Variants in MAP3K1 observed in about 807,000 individuals in gnomAD.
The protein encoded by MAP3K1 is mitogen-activated protein kinase kinase kinase 1, also known as MAP/ERK kinase kinase 1.
Under a neutral mutation model 144.2 loss-of-function variants are expected in MAP3K1, and 36 were observed. The observed-to-expected ratio is 0.25, with a 90% CI of 0.19 to 0.33. The LOEUF (loss-of-function observed/expected upper bound fraction) is 0.33. MAP3K1 is among the 10% of genes least tolerant of loss of function. The pLI, the probability that MAP3K1 is intolerant of heterozygous loss-of-function variation, is 1.00. For synonymous variants in MAP3K1, 718 were observed against 688.7 expected, an observed-to-expected ratio of 1.04 and a Z score of -0.67; for missense variants, 1,650 against 1,881.9, an observed-to-expected ratio of 0.88 and a Z score of 2.28.
intron 9 of MAP3K1, 140 bp from the exon 10 acceptor site, chr5:56,874,892 A>G (rs764215571): frequency 4.5e-5 from 37 of 822,848 alleles, no homozygotes; most frequent in Non-Finnish European, 7.3e-5. Flanking sequence ...GTGGCTGGAT[A>G]TATTTGAAGT....
intron 1 of MAP3K1, among the ~76,000 whole-genome samples, chr5:56,854,815 C>T (rs1240321444): frequency 1.3e-5 from 2 of 152,196 alleles, no homozygotes; most frequent in Non-Finnish European, 2.9e-5. Context: ...TATCAAGCAC[C>T]TTGGTCTAGG....
chr5:56,890,916 C>T (rs994533696), intron 19 of MAP3K1, among the ~76,000 whole-genome samples: 10 of 151,724 alleles, frequency 6.6e-5, no homozygotes, highest in African/African-American at 1.9e-4. Flanking sequence ...CATAGTGAGA[C>T]GCACCTGTGC....
Position 56,851,785 on chromosome 5 carries a change from A to G in MAP3K1, c.483-4815A>G, listed in dbSNP as rs1747181288. ...TGGAAGCTGGGATGGATTCAGATGT[A>G]TAAAGCACCTTAAGCATTAGCCACC... On this transcript the variant is annotated intron_variant, in intron 1 of 19. Transcript: ENST00000399503. Among the ~76,000 whole-genome samples the G allele has an allele frequency of 7.9e-5, 12 of 152,338 alleles. 1 individual carries two copies. The highest frequency in any genetic ancestry group is 7.8e-4 in the Admixed American group (12 of 15,310).
intron 1 of MAP3K1, among the ~76,000 whole-genome samples, chr5:56,819,008 T>C (rs1450966804): frequency 6.6e-6 from 1 of 152,062 alleles, no homozygotes; most frequent in Non-Finnish European, 1.5e-5. Context: ...TGGGTGACTT[T>C]ATAAAAATAA....
intron 1 of MAP3K1, among the ~76,000 whole-genome samples, chr5:56,828,874 G>T (rs1053151115): frequency 3.9e-5 from 3 of 77,578 alleles, no homozygotes; most frequent in Non-Finnish European, 9.9e-5. Flanking sequence ...AAATAAACAT[G>T]TATGCATCTT....
intron 6 of MAP3K1, 66 bp from the exon 7 acceptor site, chr5:56,871,844 T>C: frequency 6.7e-7 from 1 of 1,501,384 alleles, no homozygotes; most frequent in Non-Finnish European, 9.3e-7. Flanking sequence ...CAGAAAGTGT[T>C]TTTAGCATAT....
At chr5:56,869,063 A>C (rs1747770651) in intron 6 of MAP3K1, among the ~76,000 whole-genome samples, 1 of 152,010 alleles carries the variant, frequency 6.6e-6, no homozygotes, top group Admixed American at 6.6e-5. Context: ...AGCCTGGGCA[A>C]CATAGTGTGA....
At chr5:56,861,397 C>A (rs939685773) in intron 3 of MAP3K1, among the ~76,000 whole-genome samples, 1 of 151,912 alleles carries the variant, frequency 6.6e-6, no homozygotes, top group African/African-American at 2.4e-5. Context: ...CGTGGTGAAA[C>A]CCCGTCTCTA....
At chr5:56,880,245 A>T (rs2111935815) in intron 11 of MAP3K1, among the ~76,000 whole-genome samples, 1 of 152,320 alleles carries the variant, frequency 6.6e-6, no homozygotes. Context: ...TTACCTGGTC[A>T]CCTGAATGAC....
At chr5:56,875,612 C>G (rs1049938035) in intron 10 of MAP3K1, among the ~76,000 whole-genome samples, 1 of 152,022 alleles carries the variant, frequency 6.6e-6, no homozygotes, top group African/African-American at 2.4e-5. Flanking sequence ...TCTGTTTGGG[C>G]CAGTAAAGCT....
chr5:56,881,540 T>A, intron 13 of MAP3K1, 30 bp from the exon 14 acceptor site: 1 of 1,529,730 alleles, frequency 6.5e-7, no homozygotes, highest in Non-Finnish European at 9.0e-7. Flanking sequence ...AATTGGAACT[T>A]ATATGGTAAT....
intron 1 of MAP3K1, among the ~76,000 whole-genome samples, chr5:56,844,328 C>T (rs1252293844): frequency 3.3e-5 from 5 of 151,468 alleles, no homozygotes; most frequent in South Asian, 4.2e-4. Context: ...TACAGGTGCC[C>T]GCCACCATGC....
At chr5:56,871,089 C>A (rs1747836203) in intron 6 of MAP3K1, among the ~76,000 whole-genome samples, 1 of 151,924 alleles carries the variant, frequency 6.6e-6, no homozygotes, top group Admixed American at 6.6e-5. Context: ...TTTAAAAGTA[C>A]TTTGTATGTT....
intron 3 of MAP3K1, among the ~76,000 whole-genome samples, chr5:56,862,838 A>G (rs1747557289): frequency 6.6e-6 from 1 of 152,172 alleles, no homozygotes; most frequent in African/African-American, 2.4e-5. Context: ...TAATTCATCT[A>G]CTGTACAATT....
At chr5:56,850,801 G>A (rs1476018550) in intron 1 of MAP3K1, among the ~76,000 whole-genome samples, 1 of 152,148 alleles carries the variant, frequency 6.6e-6, no homozygotes, top group Non-Finnish European at 1.5e-5. Flanking sequence ...TCCATTGTCT[G>A]GCATGTAATA....
intron 4 of MAP3K1, 102 bp downstream of exon 4, chr5:56,865,036 A>G (rs1324006209): frequency 7.2e-6 from 8 of 1,114,774 alleles, no homozygotes; most frequent in East Asian, 5.1e-5. Context: ...TTAATTCCCT[A>G]TAGTAAACAA....
chr5:56,879,052 C>G lies in MAP3K1; in HGVS notation c.2038C>G (p.Leu680Val), dbSNP rs750472468. The G allele has an allele frequency of 6.2e-7, 1 of 1,613,904 alleles. No homozygotes were observed. The highest frequency in any genetic ancestry group is 8.5e-7 in the Non-Finnish European group (1 of 1,179,848). ...GGAAAGAATCAAACTTCAGAGACTTCTCCAGCCAGTTGTAGACACCATCCT... is the reference window on the plus strand; with the variant it reads ...GGAAAGAATCAAACTTCAGAGACTTGTCCAGCCAGTTGTAGACACCATCCT... ...LAERIKLQRL[L>V]QPVVDTILVK... The change falls in exon 11 of 20, where the codon CTC becomes GTC. Residue 680 changes from leucine to valine, a missense_variant. Transcript: ENST00000399503.
rs1579767621 is a variant in MAP3K1, at chr5:56,872,119, G to A, written c.1423+88G>A. The A allele has an allele frequency of 5.2e-6, 8 of 1,551,322 alleles. No individual in the cohort carries two copies. In the East Asian group the frequency reaches 1.6e-4, roughly 31 times the overall value. Reference sequence around the variant, plus strand: ...ATTTAAGAGTGTAACATGGCTTGAGGGGAAATTGGTGAGAGAATAAAAAAA... The same window carrying A: ...ATTTAAGAGTGTAACATGGCTTGAGAGGAAATTGGTGAGAGAATAAAAAAA... On this transcript the variant is annotated intron_variant, in intron 7 of 19. Coordinates refer to ENST00000399503, the MANE Select transcript of MAP3K1 (RefSeq NM_005921.2).
intron 2 of MAP3K1, among the ~76,000 whole-genome samples, chr5:56,859,065 T>TA (rs34494768): frequency 1.5e-3 from 188 of 125,542 alleles, no homozygotes; most frequent in Non-Finnish European, 1.3e-3. Flanking sequence ...AAGCCTTAAT[T>TA]AAAAAAAAAA....
Sources: gnomAD v4.1 joint callset for allele counts (sites outside exome capture counted in the v4.1 genomes callset) on GRCh38, gnomAD v4.1.1 for gene constraint, MANE v1.5 for transcripts, NCBI Gene and HGNC (gene_info 2026-07-23, HGNC 2026-07-21) for gene names.